Variants in CTNNA2 observed in about 807,000 individuals in gnomAD.
The protein encoded by CTNNA2 is catenin alpha-2.
Under a neutral mutation model 101.0 loss-of-function variants are expected in CTNNA2, and 42 were observed. The ratio of observed to expected loss-of-function variants is 0.42; its 90% confidence interval spans 0.32 to 0.54. The LOEUF is 0.54. Ranked by LOEUF, CTNNA2 falls within the 20% of genes least tolerant of loss-of-function variation. The pLI, the probability that CTNNA2 is intolerant of heterozygous loss-of-function variation, is 0.14. For missense variants in CTNNA2, 871 were observed against 1,223.1 expected, an observed-to-expected ratio of 0.71 and a Z score of 4.29; for synonymous variants, 450 against 456.4, an observed-to-expected ratio of 0.99 and a Z score of 0.18.
chr2:80,039,583 T>C (rs2104259224), intron 7 of CTNNA2, among the ~76,000 whole-genome samples: 1 of 152,300 alleles, frequency 6.6e-6, no homozygotes, highest in African/African-American at 2.4e-5. Flanking sequence ...CCGCCCATCT[T>C]CCGTCTGACT....
chr2:79,670,534 A>G (rs1356459266), intron 2 of CTNNA2, among the ~76,000 whole-genome samples: 11 of 152,220 alleles, frequency 7.2e-5, no homozygotes, highest in Admixed American at 7.2e-4. Flanking sequence ...AGCCACTGCC[A>G]TTATTAACAG....
chr2:80,235,024 C>A (rs537400404), intron 7 of CTNNA2, among the ~76,000 whole-genome samples: 1 of 152,096 alleles, frequency 6.6e-6, no homozygotes, highest in Non-Finnish European at 1.5e-5. Context: ...ATTTGCACTA[C>A]ATTCGTTGAT....
intron 7 of CTNNA2, among the ~76,000 whole-genome samples, chr2:80,221,555 A>T (rs1284111285): frequency 6.6e-6 from 1 of 152,216 alleles, no homozygotes; most frequent in Non-Finnish European, 1.5e-5. Context: ...GAAAATGCAG[A>T]CTGAGTCTAA....
intron 4 of CTNNA2, among the ~76,000 whole-genome samples, chr2:79,435,455 C>T (rs1034090647): frequency 3.3e-5 from 5 of 152,108 alleles, no homozygotes; most frequent in South Asian, 2.1e-4. Context: ...TCTCACAGCC[C>T]CAGGCCACAC....
At chr2:79,754,404 C>G (rs1240336311) in intron 3 of CTNNA2, among the ~76,000 whole-genome samples, 1 of 152,104 alleles carries the variant, frequency 6.6e-6, no homozygotes, top group Non-Finnish European at 1.5e-5. Context: ...TTGATGCCAG[C>G]TGTGTGAACT....
chr2:79,229,838 G>A (rs545380848), intron 2 of CTNNA2, among the ~76,000 whole-genome samples: 1 of 152,340 alleles, frequency 6.6e-6, no homozygotes, highest in East Asian at 1.9e-4. Context: ...TGAGGAACTT[G>A]TTGGGAACTG....
At chr2:80,143,004 T>A (rs1703109029) in intron 7 of CTNNA2, among the ~76,000 whole-genome samples, 1 of 152,158 alleles carries the variant, frequency 6.6e-6, no homozygotes, top group African/African-American at 2.4e-5. Context: ...CATGACTGTA[T>A]TCTCTCTCTT....
At chr2:79,730,435 T>TA (rs1176966465) in intron 2 of CTNNA2, among the ~76,000 whole-genome samples, 1 of 152,078 alleles carries the variant, frequency 6.6e-6, no homozygotes, top group Non-Finnish European at 1.5e-5. Flanking sequence ...AAACTGTTTT[T>TA]ATATATGCTA....
chr2:80,573,392 C>A (rs536533491), intron 12 of CTNNA2: 2 of 152,248 alleles, frequency 1.3e-5, no homozygotes, highest in South Asian at 4.2e-4. Flanking sequence ...TATGCTCTTT[C>A]ACATCCGGGT....
chr2:79,475,214 A>G (rs1273044212), intron 4 of CTNNA2, among the ~76,000 whole-genome samples: 1 of 150,260 alleles, frequency 6.7e-6, no homozygotes, highest in Non-Finnish European at 1.5e-5. Context: ...TCTGTGGCAT[A>G]CAGTATGGAA....
intron 7 of CTNNA2, among the ~76,000 whole-genome samples, chr2:80,115,593 G>T (rs530098401): frequency 6.6e-6 from 1 of 152,170 alleles, no homozygotes; most frequent in African/African-American, 2.4e-5. Context: ...GAGAGAGAGA[G>T]GGGGAGACGG....
chr2:79,958,714 C>T (rs1463494044), intron 7 of CTNNA2, among the ~76,000 whole-genome samples: 2 of 152,096 alleles, frequency 1.3e-5, no homozygotes, highest in Non-Finnish European at 1.5e-5. Flanking sequence ...AGCAACTGAA[C>T]TTGTGGTAAT....
intron 12 of CTNNA2, among the ~76,000 whole-genome samples, chr2:80,570,174 G>C (rs1372723961): frequency 1.3e-5 from 2 of 151,874 alleles, no homozygotes; most frequent in Non-Finnish European, 2.9e-5. Context: ...TCAGCCTCTC[G>C]AGTAGCTGGG....
At chr2:79,500,992 G>A (rs1296068061) in intron 4 of CTNNA2, 1 of 152,162 alleles carries the variant, frequency 6.6e-6, no homozygotes. Flanking sequence ...AATCTGTGGT[G>A]TACTTTTTAT....
intron 2 of CTNNA2, among the ~76,000 whole-genome samples, chr2:79,695,676 C>T (rs11695685): frequency 0.29 from 43,718 of 151,742 alleles, 6,849 homozygotes; most frequent in Admixed American, 0.35. Flanking sequence ...CAGGTCCACT[C>T]CATGGTCTCT....
rs538790830 is a variant in CTNNA2, at chr2:79,438,230, T to A, written c.-135+64217T>A. Among the ~76,000 whole-genome samples the A allele has an allele frequency of 2.8e-4, 43 of 152,268 alleles. No individual in the cohort carries two copies. In the South Asian group the frequency reaches 7.7e-3, roughly 27 times the overall value. On this transcript the variant is annotated intron_variant, in intron 4 of 21. Coordinates refer to the CTNNA2 transcript ENST00000466387. ...ATTACCCCAAAGCTCTAGAGATAAG[T>A]GTGGGGGAGTCCCTGTGAAGCTGCT...
intron 13 of CTNNA2, among the ~76,000 whole-genome samples, chr2:80,577,690 G>T (rs1369734174): frequency 2.0e-5 from 3 of 149,238 alleles, no homozygotes; most frequent in African/African-American, 7.6e-5. Context: ...TTTTCATTTT[G>T]TTGTTGTTGT....
At chr2:79,859,956 C>G (rs986737344) in intron 4 of CTNNA2, among the ~76,000 whole-genome samples, 7 of 152,104 alleles carry the variant, frequency 4.6e-5, no homozygotes, top group African/African-American at 1.7e-4. Context: ...CTGTGGAGCA[C>G]TTATCCCAGA....
chr2:79,427,883 A>C (rs1209508512), intron 4 of CTNNA2, among the ~76,000 whole-genome samples: 2 of 152,062 alleles, frequency 1.3e-5, no homozygotes, highest in Non-Finnish European at 2.9e-5. Flanking sequence ...AGGAACAGAT[A>C]ATTTTGTGGA....
Sources: allele counts gnomAD v4.1 joint callset (sites outside exome capture counted in the v4.1 genomes callset), GRCh38; gene constraint gnomAD v4.1.1; transcripts MANE v1.5; gene names NCBI Gene and HGNC (gene_info 2026-07-23, HGNC 2026-07-21).